The following PGAP4 variants were observed in gnomAD, a reference collection of about 807,000 sequenced individuals.
PGAP4 encodes the protein GPI-N-acetylgalactosamine transferase PGAP4.
PGAP4 carries 12 observed loss-of-function variants against 28.2 expected under a neutral mutation model. The ratio of observed to expected loss-of-function variants is 0.42; its 90% CI spans 0.27 to 0.69. PGAP4 has a LOEUF of 0.69. PGAP4 is among the 30% of genes least tolerant of loss of function. The pLI is 0.22. For synonymous variants in PGAP4, 205 were observed against 211.8 expected, an observed-to-expected ratio of 0.97 and a Z score of 0.28; for missense variants, 425 against 513.5, an observed-to-expected ratio of 0.83 and a Z score of 1.67.
chr9:101,491,812 G>GATATAC (rs1319116132), upstream of PGAP4, among the ~76,000 whole-genome samples: 1 of 106,268 alleles, frequency 9.4e-6, no homozygotes, highest in Admixed American at 1.0e-4. Context: ...AATCTTAAAG[G>GATATAC]ATATATATAT....
intron 2 of PGAP4, among the ~76,000 whole-genome samples, chr9:101,505,497 T>C (rs904434635): frequency 7.2e-5 from 11 of 152,046 alleles, no homozygotes; most frequent in Non-Finnish European, 1.3e-4. Context: ...CTACTGCCCC[T>C]CTCTATTCTC....
upstream of PGAP4, chr9:101,489,269 G>C (rs1016377095): frequency 6.6e-6 from 1 of 152,172 alleles, no homozygotes; most frequent in Non-Finnish European, 1.5e-5. Flanking sequence ...CACTAGTAGT[G>C]GGTACTATTA....
At chr9:101,508,896 T>TA (rs1826872732) in intron 2 of PGAP4, among the ~76,000 whole-genome samples, 3 of 152,162 alleles carry the variant, frequency 2.0e-5, no homozygotes, top group Non-Finnish European at 2.9e-5. Context: ...CCTCGTTTTA[T>TA]TTGCTGTCAC....
At chr9:101,496,793 G>A (rs1262495179) in intron 2 of PGAP4, among the ~76,000 whole-genome samples, 1 of 150,578 alleles carries the variant, frequency 6.6e-6, no homozygotes, top group Non-Finnish European at 1.5e-5. Flanking sequence ...TTTTTACCAA[G>A]AATACATTTT....
At chr9:101,517,591 A>C (rs1826953215) in intron 2 of PGAP4, among the ~76,000 whole-genome samples, 1 of 152,168 alleles carries the variant, frequency 6.6e-6, no homozygotes, top group Non-Finnish European at 1.5e-5. Context: ...CATAAAAATA[A>C]AAGCAAAGGA....
chr9:101,489,470 T>C (rs1826666889), upstream of PGAP4, among the ~76,000 whole-genome samples: 1 of 152,130 alleles, frequency 6.6e-6, no homozygotes. Context: ...GAACTATTAC[T>C]TATCCTAGGC....
chr9:101,491,848 T>TATATATATATATA (rs1588203385), upstream of PGAP4, among the ~76,000 whole-genome samples: 3 of 141,812 alleles, frequency 2.1e-5, no homozygotes, highest in Non-Finnish European at 4.6e-5. Context: ...TATATATATA[T>TATATATATATATA]TCTTTTAAAA....
At chr9:101,506,614 A>C (rs1208919256) in intron 2 of PGAP4, among the ~76,000 whole-genome samples, 2 of 152,086 alleles carry the variant, frequency 1.3e-5, no homozygotes, top group African/African-American at 4.8e-5. Context: ...ATACAGAGGA[A>C]GAGGACGGTC....
At chr9:101,494,305 T>C (rs897688432) in intron 2 of PGAP4, among the ~76,000 whole-genome samples, 8 of 151,882 alleles carry the variant, frequency 5.3e-5, no homozygotes, top group African/African-American at 1.9e-4. Context: ...AATAAAAATA[T>C]TTATGAATGG....
At chr9:101,515,564 A>C (rs968831997) in intron 2 of PGAP4, among the ~76,000 whole-genome samples, 3 of 152,196 alleles carry the variant, frequency 2.0e-5, no homozygotes, top group Non-Finnish European at 4.4e-5. Context: ...CAGGACTAAA[A>C]AGGTTTTGCT....
At chr9:101,507,944 T>C (rs1213910343) in intron 2 of PGAP4, among the ~76,000 whole-genome samples, 1 of 152,146 alleles carries the variant, frequency 6.6e-6, no homozygotes, top group African/African-American at 2.4e-5. Flanking sequence ...ACCAATCTCT[T>C]ATGAAATCCT....
At chr9:101,505,484 G>A (rs1826842132) in intron 2 of PGAP4, among the ~76,000 whole-genome samples, 1 of 151,998 alleles carries the variant, frequency 6.6e-6, no homozygotes, top group South Asian at 2.1e-4. Context: ...ATTGATAGGA[G>A]TCCTACTGCC....
chr9:101,513,628 A>G (rs1199510157), intron 2 of PGAP4, among the ~76,000 whole-genome samples: 1 of 152,140 alleles, frequency 6.6e-6, no homozygotes. Flanking sequence ...TTGAGTTGGC[A>G]GCTGTATTAG....
intron 2 of PGAP4, among the ~76,000 whole-genome samples, chr9:101,519,763 G>A (rs1826972854): frequency 6.6e-6 from 1 of 151,706 alleles, no homozygotes; most frequent in Non-Finnish European, 1.5e-5. Context: ...TATTGCATTT[G>A]CTTTTGGGTT....
At chr9:101,514,482 TTCTC>T (rs1826926175) in intron 2 of PGAP4, among the ~76,000 whole-genome samples, 1 of 152,022 alleles carries the variant, frequency 6.6e-6, no homozygotes. Context: ...TTGTGGTCCT[TTCTC>T]TGTCTCTCAT....
chr9:101,522,002 T>G (rs1826992780), intron 2 of PGAP4, among the ~76,000 whole-genome samples: 1 of 152,182 alleles, frequency 6.6e-6, no homozygotes, highest in Admixed American at 6.5e-5. Flanking sequence ...TAATTTAATT[T>G]CCATGTATTT....
intron 2 of PGAP4, among the ~76,000 whole-genome samples, chr9:101,514,009 CT>C (rs75808649): frequency 0.092 from 13,427 of 145,370 alleles, 629 homozygotes; most frequent in Middle Eastern, 0.14. Context: ...CTTTTCTCTT[CT>C]TTTTTTTTTT....
intron 1 of PGAP4, among the ~76,000 whole-genome samples, chr9:101,480,422 G>A (rs1370943528): frequency 6.6e-6 from 1 of 152,034 alleles, no homozygotes; most frequent in Non-Finnish European, 1.5e-5. Flanking sequence ...AGAAAAAAGG[G>A]GAATAGTGCA....
chr9:101,478,913 C>T (rs1826403246), intron 1 of PGAP4, among the ~76,000 whole-genome samples: 1 of 152,216 alleles, frequency 6.6e-6, no homozygotes, highest in African/African-American at 2.4e-5. Flanking sequence ...AGTTAGCCTA[C>T]TCTGCCCTCT....
Sources: allele counts gnomAD v4.1 joint callset (sites outside exome capture counted in the v4.1 genomes callset), GRCh38; gene constraint gnomAD v4.1.1; transcripts MANE v1.5; gene names NCBI Gene and HGNC (gene_info 2026-07-23, HGNC 2026-07-21).